REV3L: variants seen among roughly 807,000 people sequenced by gnomAD.
REV3L encodes the protein REV3 like, DNA directed polymerase zeta catalytic subunit.
Under a neutral mutation model 299.4 loss-of-function variants are expected in REV3L, and 69 were observed. The observed-to-expected ratio is 0.23, with a 90% CI of 0.19 to 0.28. REV3L has a LOEUF of 0.28. REV3L is among the 10% of genes least tolerant of loss of function. REV3L has a pLI of 1.00. For synonymous variants in REV3L, 1,238 were observed against 1,271.4 expected, an observed-to-expected ratio of 0.97 and a Z score of 0.56; for missense variants, 3,128 against 3,693.8, an observed-to-expected ratio of 0.85 and a Z score of 3.97.
intron 5 of REV3L, among the ~76,000 whole-genome samples, chr6:111,391,974 G>A (rs1259657817): frequency 2.6e-5 from 4 of 152,348 alleles, no homozygotes; most frequent in East Asian, 1.9e-4. Context: ...GGGCAACAGC[G>A]TGAGACCTTG....
At chr6:111,418,260 C>T (rs906826415) in intron 1 of REV3L, among the ~76,000 whole-genome samples, 4 of 152,124 alleles carry the variant, frequency 2.6e-5, no homozygotes, top group Non-Finnish European at 5.9e-5. Flanking sequence ...ACAAGCAATA[C>T]TGTAAATTCC....
intron 4 of REV3L, among the ~76,000 whole-genome samples, chr6:111,402,719 A>C (rs1319816739): frequency 6.6e-6 from 1 of 152,180 alleles, no homozygotes; most frequent in Non-Finnish European, 1.5e-5. Flanking sequence ...GTGAACTAAG[A>C]GACAAAAAAT....
intron 16 of REV3L, among the ~76,000 whole-genome samples, chr6:111,363,138 T>A (rs1238368879): frequency 6.6e-6 from 1 of 152,234 alleles, no homozygotes; most frequent in Non-Finnish European, 1.5e-5. Flanking sequence ...GCTGTGAAGA[T>A]AGCTGGATTA....
At chr6:111,398,030 T>C (rs1397457758) in intron 4 of REV3L, among the ~76,000 whole-genome samples, 1 of 148,854 alleles carries the variant, frequency 6.7e-6, no homozygotes, top group African/African-American at 2.5e-5. Context: ...CTGTATTGTA[T>C]TGGCTAGTTG....
intron 31 of REV3L, among the ~76,000 whole-genome samples, chr6:111,305,733 G>C (rs1247229646): frequency 6.6e-6 from 1 of 152,144 alleles, no homozygotes; most frequent in Non-Finnish European, 1.5e-5. Context: ...AGAAAGTCTA[G>C]GAAAGGACCA....
chr6:111,363,928 A>T lies in REV3L; in HGVS notation c.6804T>A (p.Asp2268Glu). 1 of 1,613,520 alleles carries T rather than the reference A, an allele frequency of 6.2e-7. No individual in the cohort carries two copies. Among genetic ancestry groups the T allele is most frequent in the Non-Finnish European group, 8.5e-7 (1 of 1,179,718 alleles). ...NTPQKETSQI[D>E]GPSLNNTYGF... is the part of the protein sequence containing the mutation. ...CGTAAGTATTGTTTAAAGATGGTCC[A>T]TCAATCTGAGAAGTTTCTTTCTGTG... Residue 2268 changes from aspartate (D) to glutamate (E), a missense_variant, in exon 16 of 32, where the codon GAT becomes GAA. Coordinates refer to ENST00000368802, the MANE Select transcript of REV3L (RefSeq NM_001372078.1).
chr6:111,458,862 G>A (rs1220118082), intron 1 of REV3L, among the ~76,000 whole-genome samples: 1 of 151,276 alleles, frequency 6.6e-6, no homozygotes, highest in Non-Finnish European at 1.5e-5. Context: ...ACTGCCCAAA[G>A]TAATTTGCAG....
chr6:111,309,108 G>A (rs1374163578), intron 30 of REV3L: 1 of 152,336 alleles, frequency 6.6e-6, no homozygotes, highest in Non-Finnish European at 1.5e-5. Context: ...CCCAGTGGGT[G>A]TGTGTTACAG....
At chr6:111,400,459 A>C (rs1457415499) in intron 4 of REV3L, among the ~76,000 whole-genome samples, 2 of 152,168 alleles carry the variant, frequency 1.3e-5, no homozygotes, top group African/African-American at 4.8e-5. Flanking sequence ...TTGTAGTTTT[A>C]ATCTGTATTT....
At chr6:111,387,334 G>A (rs1192689233) in intron 9 of REV3L, among the ~76,000 whole-genome samples, 1 of 152,054 alleles carries the variant, frequency 6.6e-6, no homozygotes, top group Non-Finnish European at 1.5e-5. Context: ...TTCTAAAACT[G>A]GATTGTGGAG....
chr6:111,306,009 T>C (rs1334545667), intron 31 of REV3L, among the ~76,000 whole-genome samples: 1 of 152,246 alleles, frequency 6.6e-6, no homozygotes, highest in Non-Finnish European at 1.5e-5. Context: ...AGGAACTTGT[T>C]CATTTATTCA....
chr6:111,389,428 C>T (rs1781676162), intron 6 of REV3L, among the ~76,000 whole-genome samples: 2 of 152,142 alleles, frequency 1.3e-5, no homozygotes, highest in Admixed American at 1.3e-4. Context: ...ACAATTCAAA[C>T]ATCTGATGAT....
At chr6:111,355,214 A>G (rs1777968108) in intron 18 of REV3L, among the ~76,000 whole-genome samples, 1 of 152,128 alleles carries the variant, frequency 6.6e-6, no homozygotes, top group Non-Finnish European at 1.5e-5. Flanking sequence ...ATAAAGATAT[A>G]TTTATTTTTA....
intron 26 of REV3L, among the ~76,000 whole-genome samples, chr6:111,316,186 T>A (rs1425278873): frequency 6.9e-6 from 1 of 144,656 alleles, no homozygotes; most frequent in East Asian, 2.0e-4. Context: ...TGCAGTGAAC[T>A]GAGATTATAC....
In REV3L at chr6:111,405,563, G is replaced by C. The variant is rs1369723912; in HGVS notation, c.472C>G (p.Pro158Ala). 1 of 1,603,746 alleles carries C rather than the reference G, an allele frequency of 6.2e-7. No individual in the cohort carries two copies. Among genetic ancestry groups the C allele is most frequent in the South Asian group, 1.1e-5 (1 of 88,902 alleles). Residue 158 changes from proline (P) to alanine (A), a missense_variant, in exon 4 of 32, where the codon CCC becomes GCC. Pro to Ala is a conservative substitution (Grantham distance 27). Around this residue, in one of 9 missense-constraint regions of REV3L, gnomAD observed 2,409 missense variants for 2,611.8 expected, o/e 0.92. Coordinates refer to ENST00000368802, the MANE Select transcript of REV3L (RefSeq NM_001372078.1). ...KFYQPHEAHI[P>A]YLLQLFIDYN... Reference sequence around the variant, plus strand: ...TCAATGAAGAGCTGTAGGAGGTAGGGAATATGCGCTTCATGAGGCTGGTAA... The same window carrying C: ...TCAATGAAGAGCTGTAGGAGGTAGGCAATATGCGCTTCATGAGGCTGGTAA...
rs1412264720 is a variant in REV3L at position 111,373,047 on chromosome 6, A to T, written c.5308T>A (p.Cys1770Ser). 9.3e-6 allele frequency: 15 copies of T among 1,614,186 alleles called. No individual in the cohort carries two copies. Residue 1770 changes from cysteine (C) to serine (S), a missense_variant, in exon 13 of 32, where the codon TGT becomes AGT. Cys to Ser is a moderately radical substitution (Grantham distance 112). Coordinates refer to ENST00000368802, the MANE Select transcript of REV3L (RefSeq NM_001372078.1). ...TTCAATCTAGATTTTTCACTTAGAC[A>T]GTCTTCTGCCTGCTGAACACAGAAA... ...DSFCVQQAED[C>S]LSEKSRLNRS...
Position 111,365,357 on chromosome 6 carries a change from AT to A in REV3L, c.6674-14del. 6.9e-7 allele frequency: 1 copy of A among 1,447,952 alleles called. No homozygotes were observed. The allele number at this position is 1,447,952 out of a possible 1,614,324, so 89.7% of individuals were successfully genotyped here. A position where few individuals can be genotyped will look rare whatever the true frequency, so the allele number is the denominator to read the frequency against. Reference sequence around the variant, plus strand: ...TGTGTTTTTGGTTCTGTAGAAAGAAATTTAATATTTAACATGTATATCAAAA... The same window carrying A: ...TGTGTTTTTGGTTCTGTAGAAAGAAATTAATATTTAACATGTATATCAAAA... On this transcript the variant is annotated splice_polypyrimidine_tract_variant and intron_variant, in intron 14 of 31. Transcript: ENST00000368802.
intron 1 of REV3L, chr6:111,430,806 A>C: frequency 6.2e-7 from 1 of 1,608,686 alleles, no homozygotes; most frequent in Non-Finnish European, 8.5e-7. Flanking sequence ...TCTGGAGGAA[A>C]GCTGACCAGG....
intron 1 of REV3L, among the ~76,000 whole-genome samples, chr6:111,474,346 T>A (rs1792641746): frequency 6.6e-6 from 1 of 152,182 alleles, no homozygotes; most frequent in Non-Finnish European, 1.5e-5. Context: ...CCTCCCTGCT[T>A]CCTTGTCCTC....
Sources: gnomAD v4.1 joint callset for allele counts (sites outside exome capture counted in the v4.1 genomes callset) on GRCh38, gnomAD v4.1.1 for gene constraint, gnomAD v4.1.1 regional missense constraint, MANE v1.5 for transcripts, NCBI Gene and HGNC (gene_info 2026-07-23, HGNC 2026-07-21) for gene names.